The following NRXN3 variants were observed in gnomAD, a reference collection of about 807,000 sequenced individuals.
NRXN3 encodes neurexin III.
A neutral mutation model predicts 137.6 loss-of-function variants in NRXN3; 32 were observed. The observed-to-expected ratio is 0.23, with a 90% CI of 0.18 to 0.31. NRXN3 has a LOEUF of 0.31. Among genes scored for constraint, NRXN3 ranks in the 10% least tolerant of loss-of-function variants. The pLI is 1.00. For missense variants in NRXN3, 1,574 were observed against 2,062.5 expected, an observed-to-expected ratio of 0.76 and a Z score of 4.59; for synonymous variants, 798 against 784.5, an observed-to-expected ratio of 1.02 and a Z score of -0.29.
In NRXN3 at chr14:78,174,191, A is replaced by G. The variant is rs115232132; in HGVS notation, c.-704+3517A>G. On this transcript the variant is annotated intron_variant, in intron 1 of 20. Coordinates refer to ENST00000335750, the MANE Select transcript of NRXN3 (RefSeq NM_001330195.2). ...GATCCAATTTAACCATCCATGAAAT[A>G]TATGTTTGCGGTACATTGGAGGAAG... 5.0e-3 allele frequency among the ~76,000 whole-genome samples: 754 copies of G among 152,252 alleles called. 9 individuals are homozygous for G. Among genetic ancestry groups the G allele is most frequent in the African/African-American group, 0.017 (706 of 41,538 alleles).
intron 15 of NRXN3, among the ~76,000 whole-genome samples, chr14:79,202,075 T>A (rs1229154594): frequency 1.6e-5 from 2 of 123,874 alleles, no homozygotes; most frequent in Admixed American, 1.5e-4. Flanking sequence ...GTGTGTTATC[T>A]TTTTTTTTTT....
At chr14:78,756,222 T>C (rs1288680128) in intron 8 of NRXN3, among the ~76,000 whole-genome samples, 1 of 152,174 alleles carries the variant, frequency 6.6e-6, no homozygotes, top group African/African-American at 2.4e-5. Flanking sequence ...GTGCGGTGGC[T>C]CATGTCTGTA....
At chr14:78,776,380 G>A (rs2098745002) in intron 8 of NRXN3, among the ~76,000 whole-genome samples, 1 of 121,066 alleles carries the variant, frequency 8.3e-6, no homozygotes, top group Non-Finnish European at 1.9e-5. Flanking sequence ...ATAACATAGA[G>A]ACAGATATAA....
intron 15 of NRXN3, among the ~76,000 whole-genome samples, chr14:79,400,091 A>C (rs546750526): frequency 6.6e-6 from 1 of 152,222 alleles, no homozygotes; most frequent in Non-Finnish European, 1.5e-5. Flanking sequence ...CCCTAATCCA[A>C]TATGACCTCA....
chr14:78,293,639 C>T (rs887591976), intron 3 of NRXN3, among the ~76,000 whole-genome samples: 1 of 152,130 alleles, frequency 6.6e-6, no homozygotes, highest in Admixed American at 6.6e-5. Context: ...GTCTCTTTCC[C>T]CCTGATCCAT....
chr14:79,142,294 C>T lies in NRXN3; in HGVS notation c.3262+154153C>T, dbSNP rs147138454. ...TACAAAAAGTAGCCAGGTGTGGTGG[C>T]GGGCACCTGTATTCCCAGCTAGTCC... On this transcript the variant is annotated intron_variant, in intron 15 of 20. Coordinates refer to ENST00000335750, the MANE Select transcript of NRXN3 (RefSeq NM_001330195.2). Among the ~76,000 whole-genome samples, 1,075 of 151,958 alleles carry T rather than the reference C, an allele frequency of 7.1e-3. 6 individuals are homozygous for T. The highest frequency in any genetic ancestry group is 0.025 in the African/African-American group (1,016 of 41,422).
chr14:78,942,283 A>G (rs2099354583), intron 10 of NRXN3, among the ~76,000 whole-genome samples: 1 of 152,030 alleles, frequency 6.6e-6, no homozygotes, highest in South Asian at 2.1e-4. Flanking sequence ...TTCTTGATTC[A>G]CCCTAGGCTC....
intron 1 of NRXN3, among the ~76,000 whole-genome samples, chr14:78,196,367 A>G (rs1360165694): frequency 6.6e-6 from 1 of 152,254 alleles, no homozygotes; most frequent in Non-Finnish European, 1.5e-5. Context: ...GAATTATGCT[A>G]AGCATTGGGA....
intron 4 of NRXN3, among the ~76,000 whole-genome samples, chr14:78,371,754 A>ACGGGC (rs1245507971): frequency 6.6e-6 from 1 of 152,248 alleles, no homozygotes; most frequent in Non-Finnish European, 1.5e-5. Flanking sequence ...AAGTGGCGAG[A>ACGGGC]CGGGCCAAGA....
intron 16 of NRXN3, among the ~76,000 whole-genome samples, chr14:79,493,257 G>A (rs2096734424): frequency 6.6e-6 from 1 of 152,214 alleles, no homozygotes; most frequent in Non-Finnish European, 1.5e-5. Flanking sequence ...GAAATTGAGA[G>A]AGATTTCTTT....
chr14:78,245,198 G>A (rs1051091535), intron 2 of NRXN3, among the ~76,000 whole-genome samples: 2 of 152,138 alleles, frequency 1.3e-5, no homozygotes, highest in African/African-American at 2.4e-5. Flanking sequence ...TGGTCTCTTC[G>A]TGGAGGTGGT....
In NRXN3 at chr14:78,968,080, T is replaced by A. The variant is rs542704934; in HGVS notation, c.2969-93T>A. On this transcript the variant is annotated intron_variant, in intron 13 of 20. Coordinates refer to ENST00000335750, the MANE Select transcript of NRXN3 (RefSeq NM_001330195.2). Reference sequence around the variant, plus strand: ...CCCCCCCCCCCAGCTATCTTATTCCTTATCTGATGAATTATCTCAAGTGTA... The same window carrying A: ...CCCCCCCCCCCAGCTATCTTATTCCATATCTGATGAATTATCTCAAGTGTA... 4.1e-5 allele frequency: 8 copies of A among 193,842 alleles called. No individual in the cohort carries two copies. In the Admixed American group the frequency reaches 5.2e-4, roughly 13 times the overall value. 12.0% of individuals were successfully genotyped at this position (193,842 alleles called of 1,614,324 possible).
intron 10 of NRXN3, among the ~76,000 whole-genome samples, chr14:78,841,123 A>G (rs1289611842): frequency 2.0e-5 from 3 of 152,116 alleles, no homozygotes; most frequent in Non-Finnish European, 4.4e-5. Flanking sequence ...TGTTTTTTCA[A>G]GATTCCTATC....
chr14:79,303,235 C>T (rs2085449512), intron 15 of NRXN3, among the ~76,000 whole-genome samples: 1 of 152,042 alleles, frequency 6.6e-6, no homozygotes, highest in African/African-American at 2.4e-5. Flanking sequence ...TTGTCTAGAT[C>T]TTCTTTGGAA....
intron 19 of NRXN3, among the ~76,000 whole-genome samples, chr14:79,799,483 T>C (rs182027450): frequency 4.3e-4 from 66 of 152,290 alleles, no homozygotes; most frequent in Middle Eastern, 6.8e-3. Flanking sequence ...AGAAGTCTGA[T>C]AGGGCAGGAC....
intron 4 of NRXN3, among the ~76,000 whole-genome samples, chr14:78,614,659 C>G (rs993721134): frequency 4.6e-5 from 7 of 152,070 alleles, no homozygotes; most frequent in Non-Finnish European, 1.0e-4. Flanking sequence ...ACACATACAA[C>G]TGTATCACCC....
chr14:78,715,429 C>G (rs2098426747), intron 8 of NRXN3, among the ~76,000 whole-genome samples: 1 of 152,102 alleles, frequency 6.6e-6, no homozygotes, highest in South Asian at 2.1e-4. Flanking sequence ...TTTTGGGACT[C>G]CAGGGGGCCT....
At chr14:79,337,435 C>T (rs1216785288) in intron 15 of NRXN3, among the ~76,000 whole-genome samples, 4 of 152,154 alleles carry the variant, frequency 2.6e-5, no homozygotes, top group African/African-American at 9.7e-5. Flanking sequence ...CTCACAGATG[C>T]AGGAGCTGGT....
At chr14:79,018,178 T>A (rs1004654989) in intron 15 of NRXN3, among the ~76,000 whole-genome samples, 5 of 146,252 alleles carry the variant, frequency 3.4e-5, no homozygotes, top group African/African-American at 1.3e-4. Flanking sequence ...AACAGTTGCT[T>A]GAACCTGGGA....
Sources: gnomAD v4.1 joint callset for allele counts (sites outside exome capture counted in the v4.1 genomes callset) on GRCh38, gnomAD v4.1.1 for gene constraint, MANE v1.5 for transcripts, NCBI Gene and HGNC (gene_info 2026-07-23, HGNC 2026-07-21) for gene names.